The following RASGRP3 variants were observed in gnomAD, a reference collection of about 807,000 sequenced individuals.
RASGRP3 encodes the protein RAS guanyl releasing protein 3, also known as ras guanyl-releasing protein 3.
RASGRP3 carries 54 observed loss-of-function variants against 82.7 expected under a neutral mutation model. That is an observed-to-expected ratio of 0.65 (90% CI 0.52 to 0.82). The LOEUF is 0.82. Ranked by LOEUF, RASGRP3 falls within the 40% of genes least tolerant of loss-of-function variation. The pLI is 0.00. For synonymous variants in RASGRP3, 309 were observed against 300.5 expected, an observed-to-expected ratio of 1.03 and a Z score of -0.29; for missense variants, 861 against 828.9, an observed-to-expected ratio of 1.04 and a Z score of -0.48.
At chr2:33,513,263 C>T (rs1238784585) in intron 2 of RASGRP3, among the ~76,000 whole-genome samples, 2 of 152,202 alleles carry the variant, frequency 1.3e-5, no homozygotes, top group East Asian at 3.8e-4. Flanking sequence ...AGAGGGCAAA[C>T]ATTTTTTCCC....
intron 1 of RASGRP3, chr2:33,481,929 C>G (rs929161187): frequency 2.6e-5 from 4 of 152,272 alleles, no homozygotes; most frequent in African/African-American, 9.6e-5. Context: ...GTCTCGAACT[C>G]CTGACCTCAG....
At chr2:33,511,433 A>G (rs1367678995) in intron 1 of RASGRP3, among the ~76,000 whole-genome samples, 1 of 152,218 alleles carries the variant, frequency 6.6e-6, no homozygotes, top group African/African-American at 2.4e-5. Context: ...TTTGCATGAA[A>G]CAGTAGTTTA....
At chr2:33,477,948 C>T (rs565460262) in intron 1 of RASGRP3, among the ~76,000 whole-genome samples, 49 of 152,226 alleles carry the variant, frequency 3.2e-4, no homozygotes, top group South Asian at 6.2e-4. Flanking sequence ...CTTGTTTCCT[C>T]GTGTGACAAA....
Position 33,534,327 on chromosome 2 carries a change from C to A in RASGRP3, c.1088C>A (p.Ser363Tyr). Residue 363 changes from serine (S) to tyrosine (Y), a missense_variant, in exon 11 of 18, where the codon TCC becomes TAC. Transcript: ENST00000403687. Reference sequence around the variant, plus strand: ...TCCCTTCTAATTTTGTTGTAGCTTTCCCTGGACCTCTATCACACTGAAGAT... The same window carrying A: ...TCCCTTCTAATTTTGTTGTAGCTTTACCTGGACCTCTATCACACTGAAGAT... ...NMDLINLLTL[S>Y]LDLYHTEDDI... 6.4e-7 allele frequency: 1 copy of A among 1,563,782 alleles called. No individual in the cohort carries two copies. Among genetic ancestry groups the A allele is most frequent in the Non-Finnish European group, 8.8e-7 (1 of 1,135,670 alleles).
In RASGRP3 at chr2:33,527,160, G is replaced by C; in HGVS notation, c.831G>C (p.Leu277Phe). ...AGAACTGGAATGAAATGACAGAGTT[G>C]GTCTCCTCCAACGGCAATTACTGCA... ...VTKNWNEMTE[L>F]VSSNGNYCNY... Residue 277 changes from leucine (L) to phenylalanine (F), a missense_variant, in exon 10 of 18, where the codon TTG becomes TTC. By Grantham distance (22) the Leu-to-Phe change is conservative. Coordinates refer to ENST00000403687, the MANE Select transcript of RASGRP3 (RefSeq NM_001139488.2). 1 of 1,613,996 alleles carries C rather than the reference G, an allele frequency of 6.2e-7. No homozygotes were observed. Among genetic ancestry groups the C allele is most frequent in the Non-Finnish European group, 8.5e-7 (1 of 1,179,870 alleles).
At chr2:33,470,853 T>A (rs1019058616) in intron 2 of RASGRP3, among the ~76,000 whole-genome samples, 7 of 152,184 alleles carry the variant, frequency 4.6e-5, no homozygotes, top group African/African-American at 1.7e-4. Flanking sequence ...TTTAGTTTGT[T>A]CTATTGAGAA....
intron 1 of RASGRP3, among the ~76,000 whole-genome samples, chr2:33,501,543 C>T (rs6543719): frequency 0.24 from 36,681 of 152,100 alleles, 5,846 homozygotes; most frequent in African/African-American, 0.46. Context: ...TACGAAAACT[C>T]ACCCAAATGT....
At chr2:33,451,752 T>G (rs1309175397) in intron 2 of RASGRP3, among the ~76,000 whole-genome samples, 1 of 152,168 alleles carries the variant, frequency 6.6e-6, no homozygotes, top group Admixed American at 6.5e-5. Context: ...ATCTGGATGC[T>G]CATTTGCCTC....
intron 1 of RASGRP3, among the ~76,000 whole-genome samples, chr2:33,499,052 G>A (rs1381705524): frequency 6.6e-6 from 1 of 152,090 alleles, no homozygotes; most frequent in Non-Finnish European, 1.5e-5. Flanking sequence ...TAATATAAAA[G>A]AAATAAATGT....
At chr2:33,490,021 CT>C (rs74689300) in intron 1 of RASGRP3, among the ~76,000 whole-genome samples, 2,610 of 152,324 alleles carry the variant, frequency 0.017, 132 homozygotes, top group East Asian at 0.14. Context: ...AACCTGATGA[CT>C]GTATATCTCT....
At chr2:33,539,252 C>G (rs539655652) in intron 12 of RASGRP3, 42 bp downstream of exon 12, 3 of 1,408,062 alleles carry the variant, frequency 2.1e-6, no homozygotes, top group Admixed American at 2.0e-5. Flanking sequence ...ACTAGAAGAC[C>G]CTTTCTCTTT....
chr2:33,470,525 G>A (rs577410510), intron 2 of RASGRP3, among the ~76,000 whole-genome samples: 218 of 151,794 alleles, frequency 1.4e-3, no homozygotes, highest in African/African-American at 5.0e-3. Flanking sequence ...GACTACAGGC[G>A]CCCGCCACCA....
intron 12 of RASGRP3, among the ~76,000 whole-genome samples, chr2:33,540,639 C>G (rs1408663356): frequency 1.4e-5 from 2 of 139,134 alleles, no homozygotes; most frequent in East Asian, 2.0e-4. Flanking sequence ...CTCTCTCTCT[C>G]TGTCTCATTC....
chr2:33,515,051 A>G lies in RASGRP3; in HGVS notation c.-86A>G. ...AACTAAGGACAGGTCACCACTAGGC[A>G]CTAACATCGCTGACTTGCATGATTA... On this transcript the variant is annotated 5_prime_UTR_variant, in exon 3 of 18. Transcript: ENST00000403687. 3.2e-6 allele frequency: 4 copies of G among 1,262,726 alleles called. No individual in the cohort carries two copies. The highest frequency in any genetic ancestry group is 4.7e-6 in the Non-Finnish European group (4 of 859,966). 78.2% of individuals were successfully genotyped at this position (1,262,726 alleles called of 1,614,324 possible).
intron 2 of RASGRP3, among the ~76,000 whole-genome samples, chr2:33,455,502 A>T (rs980065527): frequency 2.0e-5 from 3 of 152,246 alleles, no homozygotes; most frequent in African/African-American, 7.2e-5. Flanking sequence ...CTTACAGGCA[A>T]TGAACTTCAT....
At chr2:33,562,257 ATC>A (rs776614427) in intron 17 of RASGRP3, among the ~76,000 whole-genome samples, 2 of 142,240 alleles carry the variant, frequency 1.4e-5, no homozygotes, top group African/African-American at 5.2e-5. Flanking sequence ...GAACTACATG[ATC>A]TCTCTCTCTT....
chr2:33,562,522 C>T (rs917742759), intron 17 of RASGRP3, among the ~76,000 whole-genome samples: 5 of 152,144 alleles, frequency 3.3e-5, no homozygotes, highest in Non-Finnish European at 7.4e-5. Flanking sequence ...CCTCCCACCT[C>T]AGCCTCCCAA....
chr2:33,442,827 G>A (rs960430853), intron 1 of RASGRP3, among the ~76,000 whole-genome samples: 4 of 151,878 alleles, frequency 2.6e-5, no homozygotes, highest in East Asian at 3.9e-4. Context: ...TTCATGTAGC[G>A]ATTTCAGAAC....
intron 2 of RASGRP3, among the ~76,000 whole-genome samples, chr2:33,513,201 T>G (rs1240143986): frequency 6.6e-6 from 1 of 152,250 alleles, no homozygotes; most frequent in African/African-American, 2.4e-5. Flanking sequence ...TTATTTTATG[T>G]TCTAAGAGTG....
Sources: gnomAD v4.1 joint callset for allele counts (sites outside exome capture counted in the v4.1 genomes callset) on GRCh38, gnomAD v4.1.1 for gene constraint, MANE v1.5 for transcripts, NCBI Gene and HGNC (gene_info 2026-07-23, HGNC 2026-07-21) for gene names.